HEPHL1: variants seen among roughly 807,000 people sequenced by gnomAD.
The protein encoded by HEPHL1 is hephaestin like 1.
A neutral mutation model predicts 122.0 loss-of-function variants in HEPHL1; 123 were observed. The observed-to-expected ratio is 1.01, with a 90% CI of 0.87 to 1.17. The LOEUF (loss-of-function observed/expected upper bound fraction) is 1.17, where lower values mean the gene tolerates loss of function less well. Ranked by LOEUF, HEPHL1 falls within the 50% of genes most tolerant of loss-of-function variation. The pLI, the probability that HEPHL1 is intolerant of heterozygous loss-of-function variation, is 0.00. For missense variants in HEPHL1, 1,452 were observed against 1,430.5 expected, an observed-to-expected ratio of 1.01 and a Z score of -0.24; for synonymous variants, 527 against 508.9, an observed-to-expected ratio of 1.04 and a Z score of -0.48.
At chr11:94,069,365 C>G (rs1946057148) in intron 5 of HEPHL1, among the ~76,000 whole-genome samples, 1 of 152,126 alleles carries the variant, frequency 6.6e-6, no homozygotes, top group Non-Finnish European at 1.5e-5. Context: ...AAGCAATCCT[C>G]CCACCTTAGC....
In HEPHL1 at chr11:94,077,255, G is replaced by A. The variant is rs567231164; in HGVS notation, c.1716+1870G>A. Among the ~76,000 whole-genome samples, 47 of 152,112 alleles carry A rather than the reference G, an allele frequency of 3.1e-4. No homozygotes were observed. The South Asian group carries it at 4.1e-3, about 13-fold the overall frequency. On this transcript the variant is annotated intron_variant, in intron 9 of 19. Coordinates refer to ENST00000315765, the MANE Select transcript of HEPHL1 (RefSeq NM_001098672.2). The stretch of plus-strand genomic sequence containing the variant: ...TCTACATACATTTTAAAATTTTGCC[G>A]ATTGTCTCATTGATGTTCTTTATAG...
chr11:94,098,167 C>T (rs1170999956), intron 13 of HEPHL1, among the ~76,000 whole-genome samples: 2 of 152,170 alleles, frequency 1.3e-5, no homozygotes, highest in Non-Finnish European at 2.9e-5. Flanking sequence ...TTGTTCCTTT[C>T]CATGTTTAGT....
In HEPHL1 at chr11:94,096,280, C is replaced by T. The variant is rs577717084; in HGVS notation, c.2434+2640C>T. 9.0e-4 allele frequency among the ~76,000 whole-genome samples: 137 copies of T among 152,190 alleles called. 1 individual carries two copies. The highest frequency in any genetic ancestry group is 5.6e-4 in the Non-Finnish European group (38 of 67,988). On this transcript the variant is annotated intron_variant, in intron 13 of 19. Transcript: ENST00000315765. ...TGTTCTGCAGCTATTGAGATAATCA[C>T]GTGGTTTTTGTCTTTGGTTCTGTTT...
intron 2 of HEPHL1, among the ~76,000 whole-genome samples, chr11:94,053,745 C>A (rs1280124454): frequency 6.6e-6 from 1 of 151,966 alleles, no homozygotes; most frequent in Non-Finnish European, 1.5e-5. Flanking sequence ...ATTTTATTTC[C>A]AAATATTTAG....
intron 3 of HEPHL1, 44 bp from the exon 4 acceptor site, chr11:94,064,286 CT>C (rs1300863599): frequency 1.4e-6 from 2 of 1,474,792 alleles, no homozygotes; most frequent in Non-Finnish European, 1.9e-6. Flanking sequence ...CAAAGCTCAT[CT>C]TGATTTAGTT....
intron 11 of HEPHL1, 106 bp from the exon 12 acceptor site, chr11:94,088,649 A>T: frequency 1.2e-6 from 1 of 845,518 alleles, no homozygotes; most frequent in Non-Finnish European, 1.8e-6. Context: ...TTAAAAATCC[A>T]CCTAACTGGT....
chr11:94,076,008 A>C (rs1946119767), intron 9 of HEPHL1, among the ~76,000 whole-genome samples: 1 of 152,190 alleles, frequency 6.6e-6, no homozygotes, highest in African/African-American at 2.4e-5. Flanking sequence ...GAAAAGAGAA[A>C]AACAGTCATT....
chr11:94,099,222 C>G (rs1008591083), intron 13 of HEPHL1, among the ~76,000 whole-genome samples: 1 of 152,210 alleles, frequency 6.6e-6, no homozygotes, highest in African/African-American at 2.4e-5. Flanking sequence ...TGTTAGTTTT[C>G]CTTCTAACAG....
rs1002953471 is a variant in HEPHL1, at chr11:94,074,120, C to T, written c.1504+681C>T. ...GGCTTCCTGGGATACTCTTCACACT[C>T]GAGTGTGATGCCAGGCCCAGTTGAG... On this transcript the variant is annotated intron_variant, in intron 8 of 19. Coordinates refer to ENST00000315765, the MANE Select transcript of HEPHL1 (RefSeq NM_001098672.2). Among the ~76,000 whole-genome samples the T allele has an allele frequency of 3.9e-5, 6 of 152,120 alleles. No individual in the cohort carries two copies. In the South Asian group the frequency reaches 1.0e-3, roughly 26 times the overall value.
intron 8 of HEPHL1, 25 bp from the exon 9 acceptor site, chr11:94,075,149 A>G (rs1165339983): frequency 2.5e-6 from 4 of 1,597,482 alleles, no homozygotes; most frequent in African/African-American, 1.3e-5. Context: ...GTTGTTTTGA[A>G]TAATTGTTTT....
At chr11:94,056,742 T>G (rs1301710457) in intron 2 of HEPHL1, among the ~76,000 whole-genome samples, 1 of 152,042 alleles carries the variant, frequency 6.6e-6, no homozygotes, top group Admixed American at 6.6e-5. Context: ...AGCAATACGT[T>G]GTTATATACT....
chr11:94,094,966 G>T (rs1224114664), intron 13 of HEPHL1, among the ~76,000 whole-genome samples: 1 of 152,192 alleles, frequency 6.6e-6, no homozygotes, highest in Non-Finnish European at 1.5e-5. Flanking sequence ...TCTGATGGTA[G>T]TTTCTTTTGC....
At position 94,113,150 on chromosome 11, in the gene HEPHL1, C is replaced by T. The variant is rs1591493185; in HGVS notation, c.*1256C>T. On this transcript the variant is annotated 3_prime_UTR_variant, in exon 20 of 20. Transcript: ENST00000315765. ...TCAACCCATTATGAGGCAATCTACA[C>T]TGTCCATACCTATGCTTAGACAGTA... The T allele has an allele frequency of 6.6e-6, 1 of 152,200 alleles. No individual in the cohort carries two copies. The highest frequency in any genetic ancestry group is 1.9e-4 in the East Asian group (1 of 5,200). 9.4% of individuals were successfully genotyped at this position (152,200 alleles called of 1,614,324 possible).
At chr11:94,029,970 C>T (rs1945658660) in intron 1 of HEPHL1, among the ~76,000 whole-genome samples, 1 of 152,080 alleles carries the variant, frequency 6.6e-6, no homozygotes, top group Admixed American at 6.5e-5. Flanking sequence ...AGCAGGAGTA[C>T]ATATGTGAAG....
intron 4 of HEPHL1, among the ~76,000 whole-genome samples, chr11:94,065,966 T>A (rs372998259): frequency 6.6e-6 from 1 of 152,200 alleles, no homozygotes; most frequent in South Asian, 2.1e-4. Flanking sequence ...GGAGGATTGC[T>A]TGAGGCCAGA....
intron 16 of HEPHL1, among the ~76,000 whole-genome samples, chr11:94,105,696 A>G (rs1208733648): frequency 1.3e-5 from 2 of 152,188 alleles, no homozygotes; most frequent in African/African-American, 4.8e-5. Context: ...TACCTCTCCA[A>G]TGAGACTGTA....
chr11:94,078,446 CATATAT>C lies in HEPHL1; in HGVS notation c.1716+3086_1716+3091del, dbSNP rs6144452. Among the ~76,000 whole-genome samples, 156 of 111,552 alleles carry C rather than the reference CATATAT, an allele frequency of 1.4e-3. 3 individuals carry two copies. Among genetic ancestry groups the C allele is most frequent in the African/African-American group, 4.5e-3 (129 of 28,924 alleles). The allele number at this position is 111,552 out of a possible 152,430, so 73.2% of individuals were successfully genotyped here. ...GACACCAGCCACTACTCAGATGTTC[CATATAT>C]ATATATATATATATATATATATATG... On this transcript the variant is annotated intron_variant, in intron 9 of 19. Transcript: ENST00000315765.
intron 9 of HEPHL1, 63 bp downstream of exon 9, chr11:94,075,448 A>T: frequency 8.1e-7 from 1 of 1,236,418 alleles, no homozygotes. Context: ...CGCAAGAGCC[A>T]GAGACGAGAC....
rs1297148360 is a variant in HEPHL1 at position 94,075,247 on chromosome 11, A to G, written c.1578A>G (p.Val526=). The G allele has an allele frequency of 6.2e-7, 1 of 1,613,498 alleles. No homozygotes were observed. Among genetic ancestry groups the G allele is most frequent in the South Asian group, 1.1e-5 (1 of 91,058 alleles). Reference sequence around the variant, plus strand: ...ACAAGTGGACAGTGCCTGAGAGCGTAAGCCCAACTGCTGGTGATCCTCCCT... The same window carrying G: ...ACAAGTGGACAGTGCCTGAGAGCGTGAGCCCAACTGCTGGTGATCCTCCCT... ...FTYKWTVPES[V]SPTAGDPPCL... is the part of the protein sequence containing the mutation. The change falls in exon 9 of 20, where the codon GTA becomes GTG. Residue 526 remains valine (V), a synonymous_variant. Coordinates refer to ENST00000315765, the MANE Select transcript of HEPHL1 (RefSeq NM_001098672.2).
Sources: gnomAD v4.1 joint callset for allele counts (sites outside exome capture counted in the v4.1 genomes callset) on GRCh38, gnomAD v4.1.1 for gene constraint, MANE v1.5 for transcripts, NCBI Gene and HGNC (gene_info 2026-07-23, HGNC 2026-07-21) for gene names.